SCNN1B: variants seen among roughly 807,000 people sequenced by gnomAD.
The protein encoded by SCNN1B is epithelial sodium channel subunit beta.
SCNN1B carries 46 observed loss-of-function variants against 65.3 expected under a neutral mutation model. That is an observed-to-expected ratio of 0.70 (90% CI 0.56 to 0.90). The LOEUF (loss-of-function observed/expected upper bound fraction) is 0.90. SCNN1B is among the 40% of genes least tolerant of loss of function. The pLI, the probability that SCNN1B is intolerant of heterozygous loss-of-function variation, is 0.00. For missense variants in SCNN1B, 751 were observed against 830.5 expected (o/e 0.90, Z 1.18); for synonymous variants, 349 against 330.6 (o/e 1.06, Z -0.60).
intron 1 of SCNN1B, among the ~76,000 whole-genome samples, chr16:23,307,295 C>CTT (rs761118487): frequency 0.22 from 24,814 of 113,132 alleles, 3,416 homozygotes; most frequent in African/African-American, 0.33. Flanking sequence ...GCCTGTGCTC[C>CTT]TTTTTTTTTT....
chr16:23,304,454 G>A (rs79771447), intron 1 of SCNN1B, among the ~76,000 whole-genome samples: 4,104 of 152,280 alleles, frequency 0.027, 183 homozygotes, highest in African/African-American at 0.095. Context: ...AGGTCCCTAA[G>A]GCTGAGACTC....
intron 2 of SCNN1B, among the ~76,000 whole-genome samples, chr16:23,290,371 G>A (rs909850902): frequency 1.3e-4 from 20 of 152,258 alleles, no homozygotes; most frequent in African/African-American, 4.3e-4. Flanking sequence ...CAGTGGCGCT[G>A]ATCATGGCTC....
intron 1 of SCNN1B, among the ~76,000 whole-genome samples, chr16:23,331,648 C>T (rs1226926537): frequency 4.6e-5 from 7 of 152,110 alleles, no homozygotes; most frequent in Non-Finnish European, 1.0e-4. Flanking sequence ...GTACACTAAT[C>T]CCACTCATGA....
chr16:23,300,307 T>G (rs1596813888), upstream of SCNN1B, among the ~76,000 whole-genome samples: 4 of 152,140 alleles, frequency 2.6e-5, no homozygotes, highest in East Asian at 7.7e-4. Context: ...AACCTGCACG[T>G]TCTGCACATG....
chr16:23,317,834 T>C (rs1490791175), intron 1 of SCNN1B, among the ~76,000 whole-genome samples: 1 of 152,240 alleles, frequency 6.6e-6, no homozygotes, highest in Non-Finnish European at 1.5e-5. Context: ...CTGTGGGGTA[T>C]GTGTGCTGCC....
rs1191618996 is a variant in SCNN1B at position 23,293,114 on chromosome 16, C to CAAAA, written n.178+9335_178+9338dup. 1.7e-3 allele frequency among the ~76,000 whole-genome samples: 57 copies of CAAAA among 34,180 alleles called. 4 individuals are homozygous for CAAAA. The highest frequency in any genetic ancestry group is 2.4e-3 in the Admixed American group (5 of 2,086). The allele number at this position is 34,180 out of a possible 152,430, so 22.4% of individuals were successfully genotyped here. On this transcript the variant is annotated intron_variant and non_coding_transcript_variant, in intron 2 of 3. Transcript: ENST00000569789. ...TGGGCAATACAGGGAGACTCATTCT[C>CAAAA]AAAAAAAAAAAAAAAAAAAAAAAAA...
At position 23,306,005 on chromosome 16, in the gene SCNN1B, G is replaced by T. The variant is rs535309299; in HGVS notation, c.-9+3568G>T. On this transcript the variant is annotated intron_variant, in intron 1 of 12. Coordinates refer to ENST00000343070, the MANE Select transcript of SCNN1B (RefSeq NM_000336.3). ...CGCCTGTAATCCCAACACTTTGGGAGGCTGAGGCGGGTGGATCACCTGAGT... is the reference window on the plus strand; with the variant it reads ...CGCCTGTAATCCCAACACTTTGGGATGCTGAGGCGGGTGGATCACCTGAGT... Among the ~76,000 whole-genome samples the T allele has an allele frequency of 9.2e-5, 14 of 152,258 alleles. No homozygotes were observed. The South Asian group carries it at 2.5e-3, about 27-fold the overall frequency.
intron 1 of SCNN1B, among the ~76,000 whole-genome samples, chr16:23,326,154 C>A (rs1281852507): frequency 6.7e-6 from 1 of 150,060 alleles, no homozygotes; most frequent in East Asian, 2.0e-4. Context: ...CTACAACTAT[C>A]TTTGCCTAAC....
At chr16:23,306,696 T>C (rs1961226737) in intron 1 of SCNN1B, among the ~76,000 whole-genome samples, 1 of 152,210 alleles carries the variant, frequency 6.6e-6, no homozygotes, top group Admixed American at 6.5e-5. Flanking sequence ...GGAGTTCTTC[T>C]GGAGCAGTGG....
chr16:23,355,988 T>C (rs1294545154), intron 4 of SCNN1B, among the ~76,000 whole-genome samples: 3 of 152,076 alleles, frequency 2.0e-5, no homozygotes, highest in Non-Finnish European at 4.4e-5. Context: ...AAGGATGTGG[T>C]CTTAGGTAAA....
Position 23,309,321 on chromosome 16 carries a change from C to T in SCNN1B, c.-9+6884C>T, listed in dbSNP as rs191594833. Among the ~76,000 whole-genome samples the T allele has an allele frequency of 3.9e-5, 6 of 152,224 alleles. 1 individual carries two copies. The highest frequency in any genetic ancestry group is 3.3e-4 in the Admixed American group (5 of 15,292). On this transcript the variant is annotated intron_variant, in intron 1 of 12. Transcript: ENST00000343070. ...ACTGCCCCTGACAGCTGAAGACCTG[C>T]TCCCACCCCACTATAACTGTATTAG...
intron 3 of SCNN1B, among the ~76,000 whole-genome samples, chr16:23,353,460 G>A (rs192570098): frequency 2.0e-4 from 31 of 152,162 alleles, no homozygotes; most frequent in Non-Finnish European, 4.0e-4. Flanking sequence ...CCATGTGGAG[G>A]GATCCCCTCA....
intron 1 of SCNN1B, among the ~76,000 whole-genome samples, chr16:23,305,555 TATATA>T (rs1961187658): frequency 2.0e-5 from 1 of 49,570 alleles, no homozygotes. Context: ...TATATATATA[TATATA>T]TATATATATA....
intron 1 of SCNN1B, chr16:23,303,903 A>C: frequency 1.4e-6 from 1 of 696,682 alleles, no homozygotes. Flanking sequence ...TGAGTGAAAG[A>C]GCAAGACTCT....
chr16:23,376,896 C>A (rs1336632403), intron 8 of SCNN1B, among the ~76,000 whole-genome samples: 1 of 152,212 alleles, frequency 6.6e-6, no homozygotes, highest in Non-Finnish European at 1.5e-5. Flanking sequence ...TGTTCATGAC[C>A]CCATAACCCT....
intron 1 of SCNN1B, 145 bp downstream of exon 1, chr16:23,302,582 G>C (rs1244701277): frequency 6.6e-6 from 1 of 152,414 alleles, no homozygotes; most frequent in African/African-American, 2.4e-5. Context: ...GTGCCTGTCT[G>C]AGGCGCCTGG....
intron 4 of SCNN1B, among the ~76,000 whole-genome samples, chr16:23,362,367 TAAAG>T (rs1241043328): frequency 2.6e-5 from 4 of 151,614 alleles, no homozygotes; most frequent in Non-Finnish European, 5.9e-5. Context: ...AATTTAAAAA[TAAAG>T]AAACCAAGAT....
In SCNN1B at chr16:23,380,437, C is replaced by T. The variant is rs1206510622; in HGVS notation, c.1559C>T (p.Ser520Leu). ...TCCCCACAGATCGTCTGGCTGCTCT[C>T]GAATCTGGGTGGCCAGTTTGGCTTC... ...SAANNIVWLL[S>L]NLGGQFGFWM... Residue 520 changes from serine to leucine, a missense_variant, in exon 13 of 13, where the codon TCG becomes TTG. Transcript: ENST00000343070. The surrounding 1 kb of genome is among the most constrained non-coding windows in gnomAD (Gnocchi z 5.4). 1.2e-6 allele frequency: 2 copies of T among 1,614,190 alleles called. No individual in the cohort carries two copies. The highest frequency in any genetic ancestry group is 1.3e-5 in the African/African-American group (1 of 75,044).
chr16:23,308,568 C>T (rs1961270299), intron 1 of SCNN1B, among the ~76,000 whole-genome samples: 2 of 152,312 alleles, frequency 1.3e-5, no homozygotes, highest in South Asian at 2.1e-4. Context: ...AGACTTCCCA[C>T]ATCAGAGACT....
Sources: gnomAD v4.1 joint callset for allele counts (sites outside exome capture counted in the v4.1 genomes callset) on GRCh38, gnomAD v4.1.1 for gene constraint, Gnocchi (gnomAD v3.1) non-coding constraint, MANE v1.5 for transcripts, NCBI Gene and HGNC (gene_info 2026-07-23, HGNC 2026-07-21) for gene names.